The following COP1 variants were observed in gnomAD, a reference collection of about 807,000 sequenced individuals.
The protein encoded by COP1 is COP1 E3 ubiquitin ligase.
COP1 carries 24 observed loss-of-function variants against 101.3 expected under a neutral mutation model. The observed-to-expected ratio is 0.24, with a 90% CI of 0.17 to 0.33. The LOEUF is 0.33. Ranked by LOEUF, COP1 falls within the 10% of genes least tolerant of loss-of-function variation. The probability of loss-of-function intolerance (pLI) is 1.00; values close to 1 mark genes in which losing one functional copy is unlikely to be tolerated. For synonymous variants in COP1, 347 were observed against 341.9 expected, an observed-to-expected ratio of 1.01 and a Z score of -0.17; for missense variants, 663 against 906.2, an observed-to-expected ratio of 0.73 and a Z score of 3.45.
At chr1:176,024,387 ACAAT>A (rs1282027054) in intron 15 of COP1, among the ~76,000 whole-genome samples, 2 of 152,176 alleles carry the variant, frequency 1.3e-5, no homozygotes, top group African/African-American at 2.4e-5. Flanking sequence ...CATCAACCTC[ACAAT>A]CAACCTCAAC....
chr1:176,180,589 A>C (rs1049312818), intron 2 of COP1, among the ~76,000 whole-genome samples: 4 of 152,200 alleles, frequency 2.6e-5, no homozygotes, highest in Non-Finnish European at 5.9e-5. Context: ...TCCTCTATTA[A>C]ATATGTATCT....
chr1:176,052,662 A>G (rs1333603246), intron 11 of COP1, among the ~76,000 whole-genome samples: 2 of 152,148 alleles, frequency 1.3e-5, no homozygotes, highest in African/African-American at 4.8e-5. Context: ...TACAGAAAAA[A>G]AGCAAGCCTC....
At chr1:176,068,185 T>C (rs1298574020) in intron 11 of COP1, among the ~76,000 whole-genome samples, 1 of 152,160 alleles carries the variant, frequency 6.6e-6, no homozygotes, top group East Asian at 1.9e-4. Context: ...AATATAAATA[T>C]TTCTTATTAG....
intron 5 of COP1, among the ~76,000 whole-genome samples, chr1:176,151,357 G>GA (rs753197621): frequency 3.4e-4 from 10 of 29,482 alleles, no homozygotes; most frequent in Non-Finnish European, 8.8e-4. Flanking sequence ...GAAAGAAAAA[G>GA]AAAGAAAGAA....
chr1:176,179,044 CT>C (rs1422783130), intron 2 of COP1, among the ~76,000 whole-genome samples: 1 of 151,368 alleles, frequency 6.6e-6, no homozygotes, highest in East Asian at 1.9e-4. Flanking sequence ...AATCCCAGCA[CT>C]TTGGGAGGCC....
Position 176,035,036 on chromosome 1 carries a change from C to A in COP1, c.1613-7348G>T, listed in dbSNP as rs1274617116. Among the ~76,000 whole-genome samples the A allele has an allele frequency of 2.0e-5, 3 of 152,018 alleles. No individual in the cohort carries two copies. In the East Asian group the frequency reaches 5.8e-4, roughly 29 times the overall value. On this transcript the variant is annotated intron_variant, in intron 14 of 19. Transcript: ENST00000367669. ...ATATTCAAAATGGCTAAGAGACAACCCCAAAATTATTCAACATACAAAAAC... is the reference window on the plus strand; with the variant it reads ...ATATTCAAAATGGCTAAGAGACAACACCAAAATTATTCAACATACAAAAAC...
intron 14 of COP1, among the ~76,000 whole-genome samples, chr1:176,037,266 G>C (rs1051198783): frequency 6.6e-6 from 1 of 151,932 alleles, no homozygotes; most frequent in African/African-American, 2.4e-5. Flanking sequence ...AATTAGCCAG[G>C]CATGGTGGCG....
intron 18 of COP1, among the ~76,000 whole-genome samples, chr1:175,965,410 A>T (rs1011472860): frequency 6.6e-6 from 1 of 151,998 alleles, no homozygotes; most frequent in Admixed American, 6.5e-5. Flanking sequence ...CAATTTCATC[A>T]CTCGTGCTGA....
At chr1:176,044,453 T>C (rs1302801035) in intron 12 of COP1, among the ~76,000 whole-genome samples, 2 of 152,224 alleles carry the variant, frequency 1.3e-5, no homozygotes, top group Admixed American at 6.5e-5. Flanking sequence ...ATGCATATTA[T>C]GGAAGAAGTT....
chr1:176,046,385 T>A, intron 11 of COP1, 61 bp from the exon 12 acceptor site: 1 of 1,489,962 alleles, frequency 6.7e-7, no homozygotes, highest in Non-Finnish European at 9.2e-7. Flanking sequence ...ATTTCTAAAG[T>A]AATTCGGTCT....
chr1:176,027,830 G>C (rs1324924361), intron 14 of COP1, 142 bp from the exon 15 acceptor site: 3 of 595,240 alleles, frequency 5.0e-6, no homozygotes, highest in Non-Finnish European at 9.0e-6. Context: ...GACTAAAAGT[G>C]TTAAAGCTGA....
Position 175,992,740 on chromosome 1 carries a change from T to C in COP1, c.1730-3261A>G, listed in dbSNP as rs543242149. 2.7e-3 allele frequency among the ~76,000 whole-genome samples: 411 copies of C among 152,266 alleles called. 3 individuals carry two copies. The highest frequency in any genetic ancestry group is 9.2e-3 in the African/African-American group (382 of 41,550). On this transcript the variant is annotated intron_variant, in intron 15 of 19. Coordinates refer to ENST00000367669, the MANE Select transcript of COP1 (RefSeq NM_022457.7). ...GGCTTGCTTAGGTAAACAAAGCAGCTGGGAAGCTCGAACTGGATGGAGCCC... is the reference window on the plus strand; with the variant it reads ...GGCTTGCTTAGGTAAACAAAGCAGCCGGGAAGCTCGAACTGGATGGAGCCC...
At chr1:176,205,237 T>C (rs561678070) in intron 1 of COP1, among the ~76,000 whole-genome samples, 1 of 152,340 alleles carries the variant, frequency 6.6e-6, no homozygotes, top group African/African-American at 2.4e-5. Context: ...ATCGACTGTG[T>C]AGAAGTGCAA....
chr1:176,062,155 C>A (rs1316157031), intron 11 of COP1, among the ~76,000 whole-genome samples: 1 of 152,100 alleles, frequency 6.6e-6, no homozygotes, highest in African/African-American at 2.4e-5. Flanking sequence ...CGCCCGCCAG[C>A]ACGCCTGGAT....
rs150853109 is a variant in COP1, at chr1:176,115,700, C to G, written c.1026+924G>C. 9.3e-3 allele frequency among the ~76,000 whole-genome samples: 1,411 copies of G among 151,798 alleles called. 24 individuals carry two copies. Among genetic ancestry groups the G allele is most frequent in the African/African-American group, 0.032 (1,341 of 41,350 alleles). On this transcript the variant is annotated intron_variant, in intron 9 of 19. Transcript: ENST00000367669. ...GGAGGAGGTTGCAGTGAGCCGAGAT[C>G]GTACCACTGCACTCCAGCCTGGAGA... is the stretch of plus-strand genomic sequence containing the variant.
chr1:176,204,057 G>A (rs965145453), intron 1 of COP1, among the ~76,000 whole-genome samples: 3 of 152,144 alleles, frequency 2.0e-5, no homozygotes, highest in Non-Finnish European at 4.4e-5. Context: ...AATCTGTGCC[G>A]TTTAAGAACC....
At position 176,116,334 on chromosome 1, in the gene COP1, T is replaced by G. The variant is rs143859035; in HGVS notation, c.1026+290A>C. Among the ~76,000 whole-genome samples the G allele has an allele frequency of 2.2e-3, 333 of 152,302 alleles. 1 individual carries two copies. Among genetic ancestry groups the G allele is most frequent in the African/African-American group, 7.6e-3 (317 of 41,574 alleles). ...AGGTCAAGGCTACAGCATTCCAGCC[T>G]GCGTGACAGAGTGTCTCAAAAAAAC... On this transcript the variant is annotated intron_variant, in intron 9 of 19. Transcript: ENST00000367669.
intron 18 of COP1, among the ~76,000 whole-genome samples, chr1:175,958,065 T>A (rs1462161167): frequency 6.6e-6 from 1 of 152,056 alleles, no homozygotes; most frequent in Non-Finnish European, 1.5e-5. Context: ...ACTTTTTGGG[T>A]GATGAAAATG....
chr1:175,963,987 A>G (rs1651699856), intron 18 of COP1, among the ~76,000 whole-genome samples: 1 of 152,222 alleles, frequency 6.6e-6, no homozygotes, highest in Admixed American at 6.5e-5. Context: ...ATAAAATGTT[A>G]AAGATGACAG....
Sources: gnomAD v4.1 joint callset for allele counts (sites outside exome capture counted in the v4.1 genomes callset) on GRCh38, gnomAD v4.1.1 for gene constraint, MANE v1.5 for transcripts, NCBI Gene and HGNC (gene_info 2026-07-23, HGNC 2026-07-21) for gene names.